The following LIPA variants were observed in gnomAD, a reference collection of about 807,000 sequenced individuals.
The protein encoded by LIPA is lysosomal acid lipase/cholesteryl ester hydrolase.
A neutral mutation model predicts 40.6 loss-of-function variants in LIPA; 26 were observed. The ratio of observed to expected loss-of-function variants is 0.64; its 90% CI spans 0.47 to 0.89. The LOEUF (loss-of-function observed/expected upper bound fraction) is 0.89, where lower values mean the gene tolerates loss of function less well. LIPA is among the 40% of genes least tolerant of loss of function. The pLI is 0.00. For missense variants in LIPA, 455 were observed against 479.6 expected, an observed-to-expected ratio of 0.95 and a Z score of 0.48; for synonymous variants, 188 against 168.4, an observed-to-expected ratio of 1.12 and a Z score of -0.90.
At chr10:89,288,670 C>T (rs1222228951) in intron 1 of LIPA, among the ~76,000 whole-genome samples, 1 of 152,118 alleles carries the variant, frequency 6.6e-6, no homozygotes, top group African/African-American at 2.4e-5. Flanking sequence ...TTCCACCAGG[C>T]CTAATCTCCA....
intron 1 of LIPA, among the ~76,000 whole-genome samples, chr10:89,286,845 T>C (rs1419306968): frequency 6.6e-6 from 1 of 152,230 alleles, no homozygotes; most frequent in Non-Finnish European, 1.5e-5. Flanking sequence ...ATTTCTGAGT[T>C]GCAATTCCTT....
At chr10:89,400,402 C>A (rs565477044) in intron 2 of LIPA, among the ~76,000 whole-genome samples, 2 of 152,180 alleles carry the variant, frequency 1.3e-5, no homozygotes, top group African/African-American at 4.8e-5. Flanking sequence ...TTCTAATCCA[C>A]GAACAAAGGA....
chr10:89,247,192 G>A (rs1843035474), intron 2 of LIPA, among the ~76,000 whole-genome samples: 1 of 151,698 alleles, frequency 6.6e-6, no homozygotes, highest in African/African-American at 2.4e-5. Context: ...GCAACATGGT[G>A]AAACCCTGTA....
intron 2 of LIPA, among the ~76,000 whole-genome samples, chr10:89,373,198 G>T (rs1844101569): frequency 6.6e-6 from 1 of 151,972 alleles, no homozygotes; most frequent in Non-Finnish European, 1.5e-5. Flanking sequence ...TGCCGGGCGT[G>T]GTGGTGGGTG....
chr10:89,279,312 C>G (rs1241619941), intron 1 of LIPA, among the ~76,000 whole-genome samples: 2 of 152,108 alleles, frequency 1.3e-5, no homozygotes, highest in Admixed American at 1.3e-4. Flanking sequence ...AATTTCCAAC[C>G]AGTTAAGCCA....
chr10:89,315,618 T>A (rs1347921894), intron 1 of LIPA, among the ~76,000 whole-genome samples: 1 of 152,136 alleles, frequency 6.6e-6, no homozygotes, highest in East Asian at 1.9e-4. Flanking sequence ...TAGTATCAAC[T>A]CCTTCAGAGC....
At chr10:89,234,002 A>G (rs1340088776) in intron 3 of LIPA, among the ~76,000 whole-genome samples, 1 of 152,216 alleles carries the variant, frequency 6.6e-6, no homozygotes, top group Non-Finnish European at 1.5e-5. Flanking sequence ...AGGGAGTCAG[A>G]CACACGATGA....
intron 1 of LIPA, among the ~76,000 whole-genome samples, chr10:89,315,825 A>C (rs1470153978): frequency 6.6e-6 from 1 of 152,162 alleles, no homozygotes; most frequent in East Asian, 1.9e-4. Context: ...CCCCTGGAAA[A>C]TTCGAGAACT....
rs551896657 is a variant in LIPA at position 89,238,105 on chromosome 10, C to T, written c.229+7571G>A. 3.0e-3 allele frequency among the ~76,000 whole-genome samples: 458 copies of T among 152,336 alleles called. 2 individuals are homozygous for T. The highest frequency in any genetic ancestry group is 0.01 in the African/African-American group (432 of 41,568). ...TGTATCCAGATGTTGTGCATGACTT[C>T]ACAGTATCCATATCCATGACTTAGC... is the stretch of plus-strand genomic sequence containing the variant. On this transcript the variant is annotated intron_variant, in intron 3 of 9. Transcript: ENST00000336233.
At chr10:89,290,341 C>A (rs1429297278) in intron 1 of LIPA, among the ~76,000 whole-genome samples, 1 of 152,162 alleles carries the variant, frequency 6.6e-6, no homozygotes, top group African/African-American at 2.4e-5. Flanking sequence ...CAGTATCACC[C>A]CTTACCACAA....
chr10:89,295,696 C>A (rs1224880267), intron 1 of LIPA, among the ~76,000 whole-genome samples: 1 of 152,146 alleles, frequency 6.6e-6, no homozygotes, highest in African/African-American at 2.4e-5. Flanking sequence ...TAAATGAAAT[C>A]TATTGTTCTA....
At chr10:89,234,495 G>C (rs1285716932) in intron 3 of LIPA, among the ~76,000 whole-genome samples, 2 of 152,214 alleles carry the variant, frequency 1.3e-5, no homozygotes, top group Non-Finnish European at 2.9e-5. Flanking sequence ...CGAATCCTCG[G>C]GTGAAAAACC....
intron 1 of LIPA, chr10:89,308,526 C>T (rs991615178): frequency 6.6e-6 from 1 of 152,140 alleles, no homozygotes; most frequent in Admixed American, 6.5e-5. Context: ...TCTTTTAACT[C>T]CGAAAATCTT....
chr10:89,365,649 A>C (rs1377602826), intron 2 of LIPA, among the ~76,000 whole-genome samples: 8 of 152,112 alleles, frequency 5.3e-5, no homozygotes, highest in Admixed American at 5.2e-4. Context: ...GAAGGGATCC[A>C]GTTTCAGCTT....
At chr10:89,401,119 C>CTT (rs34774861) in intron 2 of LIPA, among the ~76,000 whole-genome samples, 14 of 139,938 alleles carry the variant, frequency 1.0e-4, no homozygotes, top group Middle Eastern at 3.6e-3. Context: ...ATTTAGATGA[C>CTT]TTTTTTTTTT....
chr10:89,344,109 G>A (rs1013664324), upstream of LIPA, among the ~76,000 whole-genome samples: 1 of 152,128 alleles, frequency 6.6e-6, no homozygotes, highest in Non-Finnish European at 1.5e-5. Flanking sequence ...CCTCACAGAA[G>A]ATTAAATGTG....
intron 8 of LIPA, among the ~76,000 whole-genome samples, chr10:89,218,443 A>T (rs1842655911): frequency 6.6e-6 from 1 of 152,256 alleles, no homozygotes; most frequent in African/African-American, 2.4e-5. Context: ...TAATTATGGC[A>T]GAGACTGCCA....
intron 1 of LIPA, among the ~76,000 whole-genome samples, chr10:89,291,675 G>A (rs1843375912): frequency 1.3e-5 from 2 of 152,136 alleles, no homozygotes; most frequent in African/African-American, 4.8e-5. Flanking sequence ...CTGTGGGTTG[G>A]CTCCCCTGGG....
At chr10:89,413,697 G>A (rs1040883993) in intron 1 of LIPA, among the ~76,000 whole-genome samples, 1 of 149,996 alleles carries the variant, frequency 6.7e-6, no homozygotes, top group South Asian at 2.1e-4. Flanking sequence ...AGCCATGAAG[G>A]TTGAGGCTGC....
Sources: gnomAD v4.1 joint callset for allele counts (sites outside exome capture counted in the v4.1 genomes callset) on GRCh38, gnomAD v4.1.1 for gene constraint, MANE v1.5 for transcripts, NCBI Gene and HGNC (gene_info 2026-07-23, HGNC 2026-07-21) for gene names.